AMOTL2: variants seen among roughly 807,000 people sequenced by gnomAD.
The protein encoded by AMOTL2 is angiomotin-like protein 2.
In AMOTL2, 33 loss-of-function variants were observed where a neutral mutation model predicts 78.4. The observed-to-expected ratio is 0.42, with a 90% confidence interval of 0.32 to 0.56. The LOEUF (loss-of-function observed/expected upper bound fraction) is 0.56, where lower values mean the gene tolerates loss of function less well. Ranked by LOEUF, AMOTL2 falls within the 20% of genes least tolerant of loss-of-function variation. AMOTL2 has a pLI of 0.12. For synonymous variants in AMOTL2, 422 were observed against 428.8 expected, an observed-to-expected ratio of 0.98 and a Z score of 0.20; for missense variants, 983 against 1,030.1, an observed-to-expected ratio of 0.95 and a Z score of 0.63.
chr3:134,357,865 T>C (rs2017142881), intron 9 of AMOTL2, 102 bp from the exon 10 acceptor site: 3 of 1,236,210 alleles, frequency 2.4e-6, no homozygotes, highest in Admixed American at 3.4e-5. Context: ...TCACCAACTT[T>C]TCCCACCTCT....
chr3:134,374,805 G>A, upstream of AMOTL2: 1 of 1,037,290 alleles, frequency 9.6e-7, no homozygotes, highest in Non-Finnish European at 1.2e-6. Flanking sequence ...CCCAGTCGCC[G>A]ACCCGCTCTC....
rs570965109 is a variant in AMOTL2, at chr3:134,360,391, C to T, written c.1598G>A (p.Gly533Asp). 329 of 1,612,180 alleles carry T rather than the reference C, an allele frequency of 2.0e-4. 1 individual carries two copies. The South Asian group carries it at 3.2e-3, about 16-fold the overall frequency. The change falls in exon 7 of 10, where the codon GGT (glycine) becomes GAT (aspartate). Residue 533 changes from glycine (G) to aspartate (D), a missense_variant. Coordinates refer to ENST00000249883, the MANE Select transcript of AMOTL2 (RefSeq NM_016201.4). ...AQQRQAGAPG[G>D]SSGSGGSPEL... ...TGGAGACCCACCACTGCCACTGCTA[C>T]CACCTGGGGCACCTGCCTGTCTCTG...
At chr3:134,357,847 A>G in intron 9 of AMOTL2, 84 bp from the exon 10 acceptor site, 1 of 1,437,376 alleles carries the variant, frequency 7.0e-7, no homozygotes, top group Non-Finnish European at 9.8e-7. Context: ...AAAGACAAAG[A>G]TCGTTCTTCA....
At chr3:134,365,160 C>G (rs1490160019) in intron 5 of AMOTL2, among the ~76,000 whole-genome samples, 2 of 151,996 alleles carry the variant, frequency 1.3e-5, no homozygotes, top group East Asian at 3.9e-4. Context: ...CCTGACCTCC[C>G]TGCCATGGTA....
At chr3:134,370,081 C>T (rs34073628) in intron 2 of AMOTL2, among the ~76,000 whole-genome samples, 1 of 152,220 alleles carries the variant, frequency 6.6e-6, no homozygotes, top group Non-Finnish European at 1.5e-5. Context: ...GCAGCCTCTC[C>T]TGAGCCTCAC....
In AMOTL2 at chr3:134,359,368, C is replaced by T. The variant is rs543449878; in HGVS notation, c.2019G>A (p.Ala673=). The change falls in exon 8 of 10, where the codon GCG becomes GCA. Residue 673 remains alanine, a synonymous_variant. Coordinates refer to ENST00000249883, the MANE Select transcript of AMOTL2 (RefSeq NM_016201.4). Reference sequence around the variant, plus strand: ...AGCCCTGGGTTCCTGCTGCCGCAGCCGCGAAAACAGATGGCACCGACTTGG... The same window carrying T: ...AGCCCTGGGTTCCTGCTGCCGCAGCTGCGAAAACAGATGGCACCGACTTGG... ...RPAKSVPSVF[A]AAAAGTQGWQ... The T allele has an allele frequency of 7.6e-5, 122 of 1,614,208 alleles. 1 individual carries two copies. In the South Asian group the frequency reaches 1.0e-3, roughly 14 times the overall value.
At chr3:134,359,593 C>A (rs528854353) in intron 7 of AMOTL2, 90 bp from the exon 8 acceptor site, 8 of 1,084,864 alleles carry the variant, frequency 7.4e-6, no homozygotes, top group Admixed American at 2.2e-5. Context: ...GAGGAAAAGC[C>A]CCCCCCAACT....
rs2017298625 is a variant in AMOTL2 at position 134,360,300 on chromosome 3, C to T, written c.1689G>A (p.Glu563=). ...REKEEQILAL[E]ADMTKWEQKY... ...TCTGCTCCCACTTGGTCATGTCGGC[C>T]TCCAGCGCCAGGATCTGCTCCTCCT... Residue 563 remains glutamate (E), a synonymous_variant, in exon 7 of 10, where the codon GAG becomes GAA. Transcript: ENST00000249883. 1.1e-5 allele frequency: 18 copies of T among 1,614,244 alleles called. No individual in the cohort carries two copies. The highest frequency in any genetic ancestry group is 1.4e-5 in the Non-Finnish European group (17 of 1,180,048).
In AMOTL2 at chr3:134,365,581, C is replaced by T. The variant is rs563805242; in HGVS notation, c.1279+236G>A. ...AGCAAATCACTGCTCCCTGGCTTTC[C>T]CTCTTGTGTCAGCTGATCTTCTTAA... is the stretch of plus-strand genomic sequence containing the variant. On this transcript the variant is annotated intron_variant, in intron 5 of 9. Transcript: ENST00000249883. Among the ~76,000 whole-genome samples, 149 of 152,364 alleles carry T rather than the reference C, an allele frequency of 9.8e-4. 4 individuals are homozygous for T. In the South Asian group the frequency reaches 0.03, roughly 31 times the overall value.
intron 3 of AMOTL2, among the ~76,000 whole-genome samples, chr3:134,367,154 G>A (rs747716199): frequency 6.6e-6 from 1 of 152,184 alleles, no homozygotes; most frequent in Non-Finnish European, 1.5e-5. Flanking sequence ...TTGTGTGGGG[G>A]ACACAAAGGG....
At position 134,360,224 on chromosome 3, in the gene AMOTL2, TGGCAGCCGC is replaced by T. The variant is rs748357501; in HGVS notation, c.1756_1764del (p.Ala586_Ala588del). 1.1e-5 allele frequency: 17 copies of T among 1,613,946 alleles called. No individual in the cohort carries two copies. In the Admixed American group the frequency reaches 1.8e-4, roughly 17 times the overall value. ...GTGGTGTCACGCTGAGCAGCAGCCG[TGGCAGCCGC>T]ATCCATGGCAAACTGCCTCATGGCA... On this transcript the variant is annotated inframe_deletion, in exon 7 of 10. Transcript: ENST00000249883.
intron 2 of AMOTL2, among the ~76,000 whole-genome samples, chr3:134,370,181 A>G (rs1463935816): frequency 6.6e-6 from 1 of 152,206 alleles, no homozygotes; most frequent in Admixed American, 6.5e-5. Context: ...AGGAGAGACA[A>G]GTAAGCTCCT....
rs745511424 is a variant in AMOTL2, at chr3:134,361,382, GGCCTGCA to G, written c.1575+123_1575+129del. ...CAATCATCCTCGCCGCCTTCCAACG[GGCCTGCA>G]GCCTAGATCTAAGCAGGGGCTCCCG... On this transcript the variant is annotated intron_variant, in intron 6 of 9. Coordinates refer to ENST00000249883, the MANE Select transcript of AMOTL2 (RefSeq NM_016201.4). The G allele has an allele frequency of 3.3e-4, 357 of 1,097,182 alleles. 1 individual carries two copies. The highest frequency in any genetic ancestry group is 5.8e-4 in the Admixed American group (20 of 34,764). The allele number at this position is 1,097,182 out of a possible 1,614,324, so 68.0% of individuals were successfully genotyped here.
At chr3:134,360,887 C>T (rs1051615437) in intron 6 of AMOTL2, among the ~76,000 whole-genome samples, 1 of 152,202 alleles carries the variant, frequency 6.6e-6, no homozygotes, top group Non-Finnish European at 1.5e-5. Flanking sequence ...TAAAAGCTGG[C>T]TGGTGGCCAG....
chr3:134,357,584 A>T lies in AMOTL2; in HGVS notation c.*121T>A. On this transcript the variant is annotated 3_prime_UTR_variant, in exon 10 of 10. Transcript: ENST00000249883. Reference sequence around the variant, plus strand: ...CTCCTGGGACCAGATGGTCAATGGGAATGAGTGTCTGGCTGGGGAAAGGGA... The same window carrying T: ...CTCCTGGGACCAGATGGTCAATGGGTATGAGTGTCTGGCTGGGGAAAGGGA... 9.6e-7 allele frequency: 1 copy of T among 1,045,488 alleles called. No homozygotes were observed. The highest frequency in any genetic ancestry group is 1.5e-6 in the Non-Finnish European group (1 of 669,730). The allele number at this position is 1,045,488 out of a possible 1,614,324, so 64.8% of individuals were successfully genotyped here.
chr3:134,358,674 G>A lies in AMOTL2; in HGVS notation c.2150C>T (p.Ala717Val). Residue 717 changes from alanine to valine, a missense_variant, in exon 9 of 10, where the codon GCT becomes GTT. Ala to Val is a moderately conservative substitution (Grantham distance 64). Coordinates refer to ENST00000249883, the MANE Select transcript of AMOTL2 (RefSeq NM_016201.4). ...TCTGCTCCCGTGTTTGGCATGGGCAGCAGGGGGAGCTGTGACCACTGGCTC... is the reference window on the plus strand; with the variant it reads ...TCTGCTCCCGTGTTTGGCATGGGCAACAGGGGGAGCTGTGACCACTGGCTC... Reference protein sequence around the residue: ...TEEPVVTAPPAAHAKHGSRDG... With the variant: ...TEEPVVTAPPVAHAKHGSRDG... The A allele has an allele frequency of 6.2e-7, 1 of 1,614,174 alleles. No individual in the cohort carries two copies. The highest frequency in any genetic ancestry group is 1.7e-4 in the Middle Eastern group (1 of 6,060).
intron 1 of AMOTL2, among the ~76,000 whole-genome samples, chr3:134,373,061 C>T (rs79538674): frequency 0.013 from 1,981 of 152,214 alleles, 48 homozygotes; most frequent in African/African-American, 0.044. Flanking sequence ...TCCCTCTCCC[C>T]ACCCCAGTAC....
intron 9 of AMOTL2, 127 bp from the exon 10 acceptor site, chr3:134,357,890 C>CA (rs2017143381): frequency 1.1e-6 from 1 of 950,832 alleles, no homozygotes; most frequent in Non-Finnish European, 1.7e-6. Context: ...CCCAGGTTCC[C>CA]AGAACTCGGC....
At chr3:134,373,720 G>A (rs2017972140) in intron 1 of AMOTL2, 1 of 985,324 alleles carries the variant, frequency 1.0e-6, no homozygotes, top group Non-Finnish European at 1.2e-6. Context: ...CGCCTGGGGC[G>A]AGCCGGTGAG....
Sources: allele counts gnomAD v4.1 joint callset (sites outside exome capture counted in the v4.1 genomes callset), GRCh38; gene constraint gnomAD v4.1.1; transcripts MANE v1.5; gene names NCBI Gene and HGNC (gene_info 2026-07-23, HGNC 2026-07-21).